The following SMARCA2 variants were observed in gnomAD, a reference collection of about 807,000 sequenced individuals.
SMARCA2 encodes SWI/SNF-related matrix-associated actin-dependent regulator of chromatin subfamily A member 2.
A neutral mutation model predicts 199.8 loss-of-function variants in SMARCA2; 61 were observed. The observed-to-expected ratio is 0.31, with a 90% confidence interval of 0.25 to 0.38. The LOEUF is 0.38. Among genes scored for constraint, SMARCA2 ranks in the 10% least tolerant of loss-of-function variants. SMARCA2 has a pLI of 1.00. For missense variants in SMARCA2, 1,344 were observed against 2,012.2 expected (o/e 0.67, Z 6.35); for synonymous variants, 935 against 732.0 (o/e 1.28, Z -4.48).
intron 11 of SMARCA2, 40 bp from the exon 12 acceptor site, chr9:2,073,526 A>C (rs560675107): frequency 6.4e-7 from 1 of 1,568,768 alleles, no homozygotes; most frequent in East Asian, 2.2e-5. Flanking sequence ...TGTAATTTAA[A>C]AAACTAAGCC....
chr9:2,032,287 A>G (rs1294114043), intron 2 of SMARCA2, among the ~76,000 whole-genome samples: 1 of 152,184 alleles, frequency 6.6e-6, no homozygotes, highest in African/African-American at 2.4e-5. Context: ...ATAGCTGTTT[A>G]TTGCATGTCT....
chr9:2,149,001 A>C (rs1387497647), intron 27 of SMARCA2, among the ~76,000 whole-genome samples: 1 of 151,610 alleles, frequency 6.6e-6, no homozygotes, highest in Non-Finnish European at 1.5e-5. Context: ...AAAGCTATGG[A>C]AGCCATGCAG....
At chr9:2,122,276 A>C (rs1486640900) in intron 26 of SMARCA2, among the ~76,000 whole-genome samples, 1 of 152,220 alleles carries the variant, frequency 6.6e-6, no homozygotes, top group Non-Finnish European at 1.5e-5. Context: ...CAGTAAAACC[A>C]AAGATTGAAA....
chr9:2,144,892 C>T, intron 27 of SMARCA2, among the ~76,000 whole-genome samples: 1 of 152,014 alleles, frequency 6.6e-6, no homozygotes, highest in East Asian at 1.9e-4. Flanking sequence ...GGTGTGTACT[C>T]AGAAAGGGTA....
At chr9:2,140,776 C>T (rs1824421609) in intron 27 of SMARCA2, among the ~76,000 whole-genome samples, 1 of 152,152 alleles carries the variant, frequency 6.6e-6, no homozygotes, top group South Asian at 2.1e-4. Context: ...TTGTGAGGCT[C>T]AGCTCTTTTG....
At chr9:2,135,104 A>C (rs1489290069) in intron 27 of SMARCA2, among the ~76,000 whole-genome samples, 1 of 152,200 alleles carries the variant, frequency 6.6e-6, no homozygotes, top group African/African-American at 2.4e-5. Context: ...AATTGAGTCC[A>C]AGTCTGAAGG....
intron 22 of SMARCA2, among the ~76,000 whole-genome samples, chr9:2,103,663 A>T (rs10811435): frequency 0.12 from 14,457 of 119,592 alleles, 854 homozygotes; most frequent in East Asian, 0.34. Context: ...TGTGTGTGTG[A>T]GAGAGAGAGA....
chr9:2,151,635 A>C (rs2130721249), intron 27 of SMARCA2, among the ~76,000 whole-genome samples: 1 of 152,258 alleles, frequency 6.6e-6, no homozygotes, highest in East Asian at 1.9e-4. Context: ...TGGGAGGCTG[A>C]GACATGAGAA....
chr9:2,044,207 G>A (rs1029927822), intron 4 of SMARCA2: 3 of 152,296 alleles, frequency 2.0e-5, no homozygotes, highest in Admixed American at 1.3e-4. Flanking sequence ...CCTCTGTTAA[G>A]TAGTCATTTT....
chr9:2,050,076 G>A (rs1031208462), intron 5 of SMARCA2, among the ~76,000 whole-genome samples: 7 of 152,068 alleles, frequency 4.6e-5, no homozygotes, highest in African/African-American at 1.7e-4. Context: ...TTTTTTTAAC[G>A]TTTAAGTCAG....
chr9:2,031,185 A>T (rs1285902111), intron 2 of SMARCA2, among the ~76,000 whole-genome samples: 1 of 152,094 alleles, frequency 6.6e-6, no homozygotes, highest in Non-Finnish European at 1.5e-5. Context: ...TGTATTATGG[A>T]TATCCCTATG....
chr9:2,186,437 GAC>G (rs1196488590), intron 32 of SMARCA2, among the ~76,000 whole-genome samples: 16 of 152,150 alleles, frequency 1.1e-4, no homozygotes, highest in African/African-American at 3.9e-4. Flanking sequence ...TCATAAAAAT[GAC>G]CTCCAAGCAT....
In SMARCA2 at chr9:2,071,239, G is replaced by C. The variant is rs558446828; in HGVS notation, c.1746+768G>C. Among the ~76,000 whole-genome samples the C allele has an allele frequency of 5.9e-5, 9 of 152,302 alleles. No individual in the cohort carries two copies. In the East Asian group the frequency reaches 1.7e-3, roughly 29 times the overall value. On this transcript the variant is annotated intron_variant, in intron 10 of 33. Coordinates refer to ENST00000349721, the MANE Select transcript of SMARCA2 (RefSeq NM_003070.5). ...ACAGTTGTATTGTGAACTCAAAACA[G>C]TGGAGATGCAGAAAAAAAAGATTGA...
intron 13 of SMARCA2, among the ~76,000 whole-genome samples, 190 bp from the exon 14 acceptor site, chr9:2,077,439 A>G (rs1426344963): frequency 1.3e-5 from 2 of 152,330 alleles, no homozygotes; most frequent in African/African-American, 4.8e-5. Context: ...GATGATCATC[A>G]TAACGCCTTT....
chr9:2,022,534 G>A (rs150239348), intron 1 of SMARCA2, among the ~76,000 whole-genome samples: 193 of 152,328 alleles, frequency 1.3e-3, no homozygotes, highest in African/African-American at 4.3e-3. Context: ...GTCAGGGCCA[G>A]TTGACATTAA....
intron 3 of SMARCA2, among the ~76,000 whole-genome samples, chr9:2,034,242 C>CAAAAA (rs759792374): frequency 1.1e-4 from 7 of 64,118 alleles, no homozygotes; most frequent in South Asian, 5.9e-4. Context: ...GACTGCGTCT[C>CAAAAA]AAAAAAAAAA....
chr9:2,106,765 T>C (rs926090805), intron 23 of SMARCA2, among the ~76,000 whole-genome samples: 1 of 152,240 alleles, frequency 6.6e-6, no homozygotes, highest in African/African-American at 2.4e-5. Flanking sequence ...ATACTCCATA[T>C]AGTTTTTGTT....
intron 3 of SMARCA2, among the ~76,000 whole-genome samples, chr9:2,038,071 G>C (rs1340053665): frequency 1.3e-5 from 2 of 151,990 alleles, no homozygotes; most frequent in African/African-American, 4.8e-5. Context: ...TCATTTTTAT[G>C]TTATATCACA....
At chr9:2,126,421 A>T (rs1303154738) in intron 27 of SMARCA2, among the ~76,000 whole-genome samples, 1 of 152,266 alleles carries the variant, frequency 6.6e-6, no homozygotes, top group Admixed American at 6.5e-5. Context: ...TGGCCTAAGC[A>T]TTCAAAGTAG....
Sources: gnomAD v4.1 joint callset for allele counts (sites outside exome capture counted in the v4.1 genomes callset) on GRCh38, gnomAD v4.1.1 for gene constraint, MANE v1.5 for transcripts, NCBI Gene and HGNC (gene_info 2026-07-23, HGNC 2026-07-21) for gene names.